COL25A1: variants seen among roughly 807,000 people sequenced by gnomAD.
The protein encoded by COL25A1 is collagen alpha-1(XXV) chain.
A neutral mutation model predicts 128.4 loss-of-function variants in COL25A1; 103 were observed. The observed-to-expected ratio is 0.80, with a 90% CI of 0.68 to 0.94. The LOEUF is 0.94. Among genes scored for constraint, COL25A1 ranks in the 40% least tolerant of loss-of-function variants. The pLI, the probability that COL25A1 is intolerant of heterozygous loss-of-function variation, is 0.00. For synonymous variants in COL25A1, 279 were observed against 277.2 expected, an observed-to-expected ratio of 1.01 and a Z score of -0.06; for missense variants, 745 against 840.0, an observed-to-expected ratio of 0.89 and a Z score of 1.40.
At position 109,083,448 on chromosome 4, in the gene COL25A1, A is replaced by ATTTTT. The variant is rs60165291; in HGVS notation, c.368-33274_368-33270dup. ...CACCAATAACTTTTACACTAAATAA[A>ATTTTT]TTTTTTTTTTTTTTTTTTTTTTTTT... is the stretch of plus-strand genomic sequence containing the variant. On this transcript the variant is annotated intron_variant, in intron 3 of 37. Coordinates refer to ENST00000399132, the MANE Select transcript of COL25A1 (RefSeq NM_198721.4). Among the ~76,000 whole-genome samples, 567 of 77,062 alleles carry ATTTTT rather than the reference A, an allele frequency of 7.4e-3. 40 individuals are homozygous for ATTTTT. Among genetic ancestry groups the ATTTTT allele is most frequent in the Middle Eastern group, 0.025 (2 of 80 alleles). The allele number at this position is 77,062 out of a possible 152,430, so 50.6% of individuals were successfully genotyped here.
intron 11 of COL25A1, among the ~76,000 whole-genome samples, chr4:108,927,363 A>G (rs1283564661): frequency 6.6e-6 from 1 of 152,224 alleles, no homozygotes; most frequent in Non-Finnish European, 1.5e-5. Context: ...AGTGCCTAAC[A>G]CATAAATAAT....
At chr4:109,029,376 C>T (rs1169063314) in intron 5 of COL25A1, among the ~76,000 whole-genome samples, 2 of 152,152 alleles carry the variant, frequency 1.3e-5, no homozygotes, top group Non-Finnish European at 2.9e-5. Context: ...CCTAACGCTA[C>T]GTCAACAATG....
chr4:108,833,900 AAGTT>A (rs1309205545), intron 31 of COL25A1, among the ~76,000 whole-genome samples: 1 of 152,220 alleles, frequency 6.6e-6, no homozygotes, highest in Non-Finnish European at 1.5e-5. Context: ...CAGAAATTGA[AAGTT>A]AGTGCCAAGG....
intron 8 of COL25A1, among the ~76,000 whole-genome samples, chr4:108,963,979 T>G (rs1490055805): frequency 6.6e-6 from 1 of 151,102 alleles, no homozygotes; most frequent in Non-Finnish European, 1.5e-5. Context: ...CAGAAAAGTG[T>G]GGACAAATGA....
At chr4:108,955,016 G>A (rs1428511731) in intron 8 of COL25A1, among the ~76,000 whole-genome samples, 6 of 151,414 alleles carry the variant, frequency 4.0e-5, no homozygotes, top group African/African-American at 1.5e-4. Flanking sequence ...AAAACCAGGT[G>A]GCATCTGGGA....
rs551915636 is a variant in COL25A1, at chr4:109,185,575, C to T, written c.367+115008G>A. ...TCCTCTTTAAAATTAGAAGGTACTA[C>T]GAGTCTGTTAAGGATGGAATATTGG... On this transcript the variant is annotated intron_variant, in intron 3 of 37. Transcript: ENST00000399132. Among the ~76,000 whole-genome samples the T allele has an allele frequency of 2.1e-3, 324 of 152,252 alleles. 2 individuals are homozygous for T. The highest frequency in any genetic ancestry group is 0.017 in the Middle Eastern group (5 of 294).
chr4:109,184,474 G>A (rs1030136179), intron 3 of COL25A1, among the ~76,000 whole-genome samples: 2 of 152,120 alleles, frequency 1.3e-5, no homozygotes, highest in Non-Finnish European at 2.9e-5. Context: ...AAGGTAAGAC[G>A]CAAGCCGGCT....
At chr4:109,058,545 AT>A (rs1334124066) in intron 3 of COL25A1, among the ~76,000 whole-genome samples, 1 of 152,256 alleles carries the variant, frequency 6.6e-6, no homozygotes, top group Admixed American at 6.5e-5. Flanking sequence ...CAGAAAAAAA[AT>A]AAGATCAAAA....
intron 5 of COL25A1, among the ~76,000 whole-genome samples, chr4:109,033,163 A>T (rs1197550663): frequency 6.6e-6 from 1 of 152,240 alleles, no homozygotes; most frequent in Non-Finnish European, 1.5e-5. Flanking sequence ...TTCAGGGAAA[A>T]GTTTCAGTTC....
intron 15 of COL25A1, among the ~76,000 whole-genome samples, chr4:108,898,556 A>C (rs1742422172): frequency 6.6e-6 from 1 of 152,188 alleles, no homozygotes; most frequent in Non-Finnish European, 1.5e-5. Context: ...AGAGTCTAGG[A>C]GTAACTTAAC....
chr4:108,936,475 G>A lies in COL25A1; in HGVS notation c.708+1333C>T, dbSNP rs139082580. Among the ~76,000 whole-genome samples the A allele has an allele frequency of 8.7e-3, 1,320 of 152,246 alleles. 23 individuals are homozygous for A. The highest frequency in any genetic ancestry group is 0.029 in the African/African-American group (1,215 of 41,546). ...CCAGCTGCTCAGGAAACTGAGGCAG[G>A]AGAATCGCTTGAACCCAGGAGGTGG... On this transcript the variant is annotated intron_variant, in intron 11 of 37. Coordinates refer to ENST00000399132, the MANE Select transcript of COL25A1 (RefSeq NM_198721.4).
At chr4:108,890,318 A>G (rs1423145453) in intron 16 of COL25A1, among the ~76,000 whole-genome samples, 1 of 152,132 alleles carries the variant, frequency 6.6e-6, no homozygotes, top group African/African-American at 2.4e-5. Flanking sequence ...CCAGCTTTAC[A>G]CTTATTTCAT....
intron 6 of COL25A1, among the ~76,000 whole-genome samples, chr4:108,988,010 T>C (rs1753818082): frequency 6.6e-6 from 1 of 152,016 alleles, no homozygotes; most frequent in African/African-American, 2.4e-5. Flanking sequence ...CCAGGGCCCT[T>C]GAGGGTAGGA....
chr4:109,071,378 T>C (rs571896426), intron 3 of COL25A1, among the ~76,000 whole-genome samples: 2 of 152,086 alleles, frequency 1.3e-5, no homozygotes, highest in African/African-American at 4.8e-5. Context: ...ATTCAGGACA[T>C]AGGCATGGGC....
chr4:108,902,496 T>C (rs1742960116), intron 13 of COL25A1, among the ~76,000 whole-genome samples: 1 of 152,004 alleles, frequency 6.6e-6, no homozygotes, highest in South Asian at 2.1e-4. Flanking sequence ...GATGAATATT[T>C]CTATCTTAAT....
At chr4:108,996,319 T>G in intron 6 of COL25A1, among the ~76,000 whole-genome samples, 1 of 147,522 alleles carries the variant, frequency 6.8e-6, no homozygotes, top group African/African-American at 2.5e-5. Context: ...AAGGAGGGGT[T>G]GCAATCCTGG....
intron 5 of COL25A1, among the ~76,000 whole-genome samples, chr4:109,032,420 T>C (rs77669998): frequency 6.6e-6 from 1 of 152,214 alleles, no homozygotes; most frequent in Non-Finnish European, 1.5e-5. Flanking sequence ...GGGGAACTTA[T>C]GGTCACAAAT....
In COL25A1 at chr4:108,944,413, A is replaced by C. The variant is rs994773203; in HGVS notation, c.493-2976T>G. ...GTGACTCATTAGCCCTATATTACAC[A>C]GTCAGAATTTTATATATAAACCTCA... On this transcript the variant is annotated intron_variant, in intron 8 of 37. Coordinates refer to ENST00000399132, the MANE Select transcript of COL25A1 (RefSeq NM_198721.4). Among the ~76,000 whole-genome samples, 5 of 152,212 alleles carry C rather than the reference A, an allele frequency of 3.3e-5. No homozygotes were observed. The East Asian group carries it at 9.6e-4, about 29-fold the overall frequency.
intron 3 of COL25A1, among the ~76,000 whole-genome samples, chr4:109,252,526 A>G (rs1473109501): frequency 6.6e-6 from 1 of 152,198 alleles, no homozygotes; most frequent in Non-Finnish European, 1.5e-5. Flanking sequence ...TCTTCTGCTG[A>G]GGTCACCCTT....
Sources: allele counts gnomAD v4.1 joint callset (sites outside exome capture counted in the v4.1 genomes callset), GRCh38; gene constraint gnomAD v4.1.1; transcripts MANE v1.5; gene names NCBI Gene and HGNC (gene_info 2026-07-23, HGNC 2026-07-21).